PTPN4: variants seen among roughly 807,000 people sequenced by gnomAD.
PTPN4 encodes the protein protein tyrosine phosphatase non-receptor type 4.
A neutral mutation model predicts 135.5 loss-of-function variants in PTPN4; 49 were observed. The observed-to-expected ratio is 0.36, with a 90% CI of 0.29 to 0.46. PTPN4 has a LOEUF of 0.46. Among genes scored for constraint, PTPN4 ranks in the 20% least tolerant of loss-of-function variants. The pLI is 1.00. For synonymous variants in PTPN4, 333 were observed against 369.9 expected (o/e 0.90, Z 1.14); for missense variants, 860 against 1,101.0 (o/e 0.78, Z 3.10).
intron 10 of PTPN4, among the ~76,000 whole-genome samples, chr2:119,912,279 G>C (rs1027193400): frequency 1.3e-5 from 2 of 152,216 alleles, no homozygotes; most frequent in Non-Finnish European, 2.9e-5. Flanking sequence ...ATGGGTTGCT[G>C]TGTTGGAGTT....
At position 119,919,973 on chromosome 2, in the gene PTPN4, C is replaced by T. The variant is rs1574404621; in HGVS notation, c.829-96C>T. On this transcript the variant is annotated intron_variant, in intron 11 of 26. Coordinates refer to ENST00000263708, the MANE Select transcript of PTPN4 (RefSeq NM_002830.4). ...TATATCATTAACAAGTTCATGTTTA[C>T]AAGGCTAGAATAATTTATCTGTCAA... The T allele has an allele frequency of 6.2e-6, 9 of 1,454,216 alleles. No individual in the cohort carries two copies. In the East Asian group the frequency reaches 1.9e-4, roughly 31 times the overall value. 90.1% of individuals were successfully genotyped at this position (1,454,216 alleles called of 1,614,324 possible).
At chr2:119,924,029 C>T (rs967283432) in intron 12 of PTPN4, among the ~76,000 whole-genome samples, 6 of 149,486 alleles carry the variant, frequency 4.0e-5, no homozygotes, top group African/African-American at 1.2e-4. Context: ...CCCAGTTACT[C>T]GGGAGGCTGA....
intron 12 of PTPN4, among the ~76,000 whole-genome samples, chr2:119,923,032 T>G (rs1035579269): frequency 6.6e-6 from 1 of 152,202 alleles, no homozygotes; most frequent in Non-Finnish European, 1.5e-5. Flanking sequence ...AACTTGTGTC[T>G]TCTTTTTTCC....
At chr2:119,843,795 G>C (rs1432280238) in intron 2 of PTPN4, among the ~76,000 whole-genome samples, 1 of 32,260 alleles carries the variant, frequency 3.1e-5, no homozygotes, top group East Asian at 7.9e-4. Flanking sequence ...TGGCCGGGCG[G>C]GGGGCTGACA....
chr2:119,973,503 G>A (rs1679566319), intron 26 of PTPN4, among the ~76,000 whole-genome samples: 2 of 152,030 alleles, frequency 1.3e-5, no homozygotes, highest in Admixed American at 6.6e-5. Context: ...TATATACCTA[G>A]AAGAGGAATT....
intron 10 of PTPN4, among the ~76,000 whole-genome samples, chr2:119,907,731 C>T (rs1369176749): frequency 6.6e-6 from 1 of 152,134 alleles, no homozygotes; most frequent in African/African-American, 2.4e-5. Flanking sequence ...TTCACAACAG[C>T]ATGGTACTGG....
At chr2:119,883,252 T>A (rs963759664) in intron 8 of PTPN4, among the ~76,000 whole-genome samples, 1 of 152,158 alleles carries the variant, frequency 6.6e-6, no homozygotes, top group South Asian at 2.1e-4. Flanking sequence ...CTTCAGGCTA[T>A]GTGTATAAAG....
At chr2:119,789,590 T>G (rs1467537620) in intron 1 of PTPN4, among the ~76,000 whole-genome samples, 1 of 152,216 alleles carries the variant, frequency 6.6e-6, no homozygotes, top group Non-Finnish European at 1.5e-5. Flanking sequence ...TTTGATGTGT[T>G]GTTATTTTTG....
chr2:119,821,659 A>G (rs1677070249), intron 2 of PTPN4, among the ~76,000 whole-genome samples: 1 of 152,222 alleles, frequency 6.6e-6, no homozygotes. Context: ...AGGTTAATTT[A>G]CAACTTTGGA....
At chr2:119,968,831 A>G (rs1242908341) in intron 26 of PTPN4, among the ~76,000 whole-genome samples, 1 of 152,126 alleles carries the variant, frequency 6.6e-6, no homozygotes, top group African/African-American at 2.4e-5. Flanking sequence ...AAAATTACAG[A>G]AATTAAGTTA....
At chr2:119,800,336 G>A (rs1255650270) in intron 1 of PTPN4, among the ~76,000 whole-genome samples, 1 of 152,010 alleles carries the variant, frequency 6.6e-6, no homozygotes, top group Non-Finnish European at 1.5e-5. Context: ...TTTCCCAAAT[G>A]GCTCAGATTG....
At position 119,885,901 on chromosome 2, in the gene PTPN4, C is replaced by T. The variant is rs370609847; in HGVS notation, c.675+19C>T. The T allele has an allele frequency of 3.3e-6, 5 of 1,505,956 alleles. No homozygotes were observed. Among genetic ancestry groups the T allele is most frequent in the Non-Finnish European group, 4.5e-6 (5 of 1,113,266 alleles). The allele number at this position is 1,505,956 out of a possible 1,614,324, so 93.3% of individuals were successfully genotyped here. A position where few individuals can be genotyped will look rare whatever the true frequency, so the allele number is the denominator to read the frequency against. On this transcript the variant is annotated intron_variant, in intron 9 of 26. Coordinates refer to ENST00000263708, the MANE Select transcript of PTPN4 (RefSeq NM_002830.4). ...TGCAAGGGTAAGTGAAGAAAACTTACTTTGATGTTGTTGAGTTAGGCTCCG... is the reference window on the plus strand; with the variant it reads ...TGCAAGGGTAAGTGAAGAAAACTTATTTTGATGTTGTTGAGTTAGGCTCCG...
At chr2:119,960,178 T>G (rs1267012366) in intron 22 of PTPN4, among the ~76,000 whole-genome samples, 1 of 152,182 alleles carries the variant, frequency 6.6e-6, no homozygotes, top group Non-Finnish European at 1.5e-5. Flanking sequence ...ATTCACTCTT[T>G]GTTATTCTTT....
At chr2:119,794,285 C>T (rs974107024) in intron 1 of PTPN4, among the ~76,000 whole-genome samples, 3 of 152,182 alleles carry the variant, frequency 2.0e-5, no homozygotes, top group South Asian at 2.1e-4. Flanking sequence ...TGGCCAGTGG[C>T]GCCTTTGCCT....
intron 2 of PTPN4, among the ~76,000 whole-genome samples, chr2:119,847,130 C>G (rs2104976291): frequency 6.7e-6 from 1 of 148,972 alleles, no homozygotes; most frequent in South Asian, 2.1e-4. Context: ...TAGGCCAAAA[C>G]AACTTTGATT....
intron 10 of PTPN4, among the ~76,000 whole-genome samples, chr2:119,901,083 A>G (rs1418180893): frequency 6.6e-6 from 1 of 152,208 alleles, no homozygotes. Flanking sequence ...ATTTGCCCCC[A>G]GGGCAAATTG....
chr2:119,852,843 T>G (rs1001311813), intron 2 of PTPN4, among the ~76,000 whole-genome samples: 3 of 151,832 alleles, frequency 2.0e-5, no homozygotes, highest in South Asian at 4.2e-4. Flanking sequence ...AGTTCAGTGG[T>G]TTTTTTTGTT....
At chr2:119,789,166 T>A (rs1380736758) in intron 1 of PTPN4, among the ~76,000 whole-genome samples, 1 of 152,112 alleles carries the variant, frequency 6.6e-6, no homozygotes, top group East Asian at 1.9e-4. Flanking sequence ...AATATGCGTT[T>A]TCCTAATGAT....
chr2:119,765,939 C>CGT (rs1690608434), intron 1 of PTPN4, among the ~76,000 whole-genome samples: 2 of 144,050 alleles, frequency 1.4e-5, no homozygotes, highest in Admixed American at 6.8e-5. Flanking sequence ...TGTGTGCGCG[C>CGT]GCGCATGTGC....
Sources: allele counts gnomAD v4.1 joint callset (sites outside exome capture counted in the v4.1 genomes callset), GRCh38; gene constraint gnomAD v4.1.1; transcripts MANE v1.5; gene names NCBI Gene and HGNC (gene_info 2026-07-23, HGNC 2026-07-21).